Variants in PIKFYVE observed in about 807,000 individuals in gnomAD.
PIKFYVE encodes the protein 1-phosphatidylinositol 3-phosphate 5-kinase.
Under a neutral mutation model 257.9 loss-of-function variants are expected in PIKFYVE, and 122 were observed. That is an observed-to-expected ratio of 0.47 (90% CI 0.41 to 0.55). PIKFYVE has a LOEUF of 0.55. Among genes scored for constraint, PIKFYVE ranks in the 20% least tolerant of loss-of-function variants. The probability of loss-of-function intolerance (pLI) is 0.00; values close to 1 mark genes in which losing one functional copy is unlikely to be tolerated. For synonymous variants in PIKFYVE, 892 were observed against 868.9 expected, an observed-to-expected ratio of 1.03 and a Z score of -0.47; for missense variants, 2,160 against 2,536.6, an observed-to-expected ratio of 0.85 and a Z score of 3.19.
chr2:208,293,206 A>C (rs1429324118), intron 7 of PIKFYVE, among the ~76,000 whole-genome samples: 1 of 151,162 alleles, frequency 6.6e-6, no homozygotes, highest in Non-Finnish European at 1.5e-5. Flanking sequence ...AAATACTCCC[A>C]ATTTTTCCCT....
At chr2:208,321,759 T>A (rs1485267804) in intron 17 of PIKFYVE, among the ~76,000 whole-genome samples, 7 of 152,180 alleles carry the variant, frequency 4.6e-5, no homozygotes, top group Admixed American at 3.9e-4. Context: ...TGTATTTTTT[T>A]AGTAGAGACG....
chr2:208,355,099 C>T (rs1006121577), intron 41 of PIKFYVE, 91 bp from the exon 42 acceptor site: 20 of 958,872 alleles, frequency 2.1e-5, no homozygotes, highest in Non-Finnish European at 6.7e-6. Flanking sequence ...ATCTTTATGG[C>T]AGTTTATATG....
intron 8 of PIKFYVE, among the ~76,000 whole-genome samples, chr2:208,300,158 A>G (rs1010870825): frequency 1.3e-5 from 2 of 152,246 alleles, no homozygotes; most frequent in African/African-American, 4.8e-5. Context: ...ATGTCATGTA[A>G]GAATTCAAAA....
chr2:208,337,266 G>A (rs766563711), intron 28 of PIKFYVE, among the ~76,000 whole-genome samples: 6 of 152,080 alleles, frequency 3.9e-5, no homozygotes, highest in Admixed American at 6.6e-5. Flanking sequence ...TTTATACTCC[G>A]CAGTTTTGGT....
In PIKFYVE at chr2:208,348,808, A is replaced by G. The variant is rs1699486257; in HGVS notation, c.5374+785A>G. Among the ~76,000 whole-genome samples, 4 of 152,090 alleles carry G rather than the reference A, an allele frequency of 2.6e-5. No individual in the cohort carries two copies. In the South Asian group the frequency reaches 8.3e-4, roughly 32 times the overall value. On this transcript the variant is annotated intron_variant, in intron 35 of 41. Coordinates refer to ENST00000264380, the MANE Select transcript of PIKFYVE (RefSeq NM_015040.4). ...GTAGTTGGAACTTTTTCAGAGTGAA[A>G]TATTTGCTCTGTCTCTATATAGAAA... is the stretch of plus-strand genomic sequence containing the variant.
At chr2:208,320,579 A>T (rs577042246) in intron 17 of PIKFYVE, among the ~76,000 whole-genome samples, 1 of 152,348 alleles carries the variant, frequency 6.6e-6, no homozygotes, top group East Asian at 1.9e-4. Context: ...TGAAAATCCA[A>T]ATACTAATTT....
intron 7 of PIKFYVE, among the ~76,000 whole-genome samples, chr2:208,297,678 G>T (rs1437929150): frequency 6.6e-6 from 1 of 152,070 alleles, no homozygotes; most frequent in African/African-American, 2.4e-5. Context: ...TACAGATACT[G>T]CCCTAATGAA....
chr2:208,332,861 C>A (rs1697706948), intron 23 of PIKFYVE, among the ~76,000 whole-genome samples: 1 of 152,030 alleles, frequency 6.6e-6, no homozygotes, highest in Non-Finnish European at 1.5e-5. Flanking sequence ...TCCTCCACCA[C>A]CCCCAAGTCC....
chr2:208,357,500 T>A lies in PIKFYVE; in HGVS notation c.*2195T>A, dbSNP rs577756504. On this transcript the variant is annotated 3_prime_UTR_variant, in exon 42 of 42. Coordinates refer to ENST00000264380, the MANE Select transcript of PIKFYVE (RefSeq NM_015040.4). The stretch of plus-strand genomic sequence containing the variant: ...TTTCCTTGCCCATGACTTGAACAAC[T>A]GTGTTTTAAAGTACTGTAGTCTAGT... 1 of 152,362 alleles carries A rather than the reference T, an allele frequency of 6.6e-6. No homozygotes were observed. Among genetic ancestry groups the A allele is most frequent in the African/African-American group, 2.4e-5 (1 of 41,588 alleles). 9.4% of individuals were successfully genotyped at this position (152,362 alleles called of 1,614,324 possible). A position where few individuals can be genotyped will look rare whatever the true frequency, so the allele number is the denominator to read the frequency against.
intron 17 of PIKFYVE, among the ~76,000 whole-genome samples, chr2:208,320,757 G>A (rs1696115307): frequency 6.6e-6 from 1 of 152,206 alleles, no homozygotes; most frequent in Non-Finnish European, 1.5e-5. Flanking sequence ...TGAAAGTTGT[G>A]TTGGTTTCTC....
rs1694147386 is a variant in PIKFYVE, at chr2:208,304,967, G to T, written c.1590G>T (p.Lys530Asn). 6.2e-7 allele frequency: 1 copy of T among 1,613,982 alleles called. No individual in the cohort carries two copies. Residue 530 changes from lysine to asparagine, a missense_variant, in exon 12 of 42, where the codon AAG (lysine) becomes AAT (asparagine). This residue lies in a region of PIKFYVE where 346 missense variants were observed against 365.6 expected (regional missense o/e 0.95). Coordinates refer to ENST00000264380, the MANE Select transcript of PIKFYVE (RefSeq NM_015040.4). ...ACAACGTGAACTTCCATATCAAGAAGCCCTCCAAGTACCCACATGTGCCCC... is the reference window on the plus strand; with the variant it reads ...ACAACGTGAACTTCCATATCAAGAATCCCTCCAAGTACCCACATGTGCCCC... ...ELDNVNFHIK[K>N]PSKYPHVPPH...
Position 208,315,409 on chromosome 2 carries a change from T to A in PIKFYVE, c.2007+36T>A, listed in dbSNP as rs753772473. 3.7e-6 allele frequency: 6 copies of A among 1,607,802 alleles called. No individual in the cohort carries two copies. In the South Asian group the frequency reaches 6.6e-5, roughly 18 times the overall value. ...CTAATGTTTTACTAATGCTAGGAAC[T>A]GATGAGGCAGGACTGATTGTAATTT... On this transcript the variant is annotated intron_variant, in intron 15 of 41. Coordinates refer to ENST00000264380, the MANE Select transcript of PIKFYVE (RefSeq NM_015040.4).
chr2:208,317,279 A>G (rs1417304364), intron 15 of PIKFYVE, among the ~76,000 whole-genome samples: 3 of 152,022 alleles, frequency 2.0e-5, no homozygotes, highest in African/African-American at 7.3e-5. Context: ...ACTCAAACAA[A>G]TTTACAAGAA....
chr2:208,288,778 T>C lies in PIKFYVE; in HGVS notation c.871T>C (p.Ser291Pro). The change falls in exon 7 of 42, where the codon TCT becomes CCT. Residue 291 changes from serine to proline, a missense_variant. Around this residue, in one of 12 missense-constraint regions of PIKFYVE, gnomAD observed 187 missense variants for 185.6 expected, o/e 1.01. Coordinates refer to ENST00000264380, the MANE Select transcript of PIKFYVE (RefSeq NM_015040.4). Reference protein sequence around the residue: ...SNTPLSTRLVSVQEDAGKSPA... With the variant: ...SNTPLSTRLVPVQEDAGKSPA... The stretch of plus-strand genomic sequence containing the variant: ...TACTCCTCTTTCAACAAGACTTGTA[T>C]CTGTGCAAGAGGATGCTGGGAAATC... 6.2e-7 allele frequency: 1 copy of C among 1,614,096 alleles called. No homozygotes were observed. Among genetic ancestry groups the C allele is most frequent in the African/African-American group, 1.3e-5 (1 of 75,064 alleles).
chr2:208,304,078 G>T, intron 10 of PIKFYVE, 93 bp from the exon 11 acceptor site: 1 of 1,423,774 alleles, frequency 7.0e-7, no homozygotes. Context: ...TAGGTTCATA[G>T]AAATATTGGA....
chr2:208,266,597 C>A (rs1025189269), intron 1 of PIKFYVE, among the ~76,000 whole-genome samples, 182 bp downstream of exon 1: 1 of 152,214 alleles, frequency 6.6e-6, no homozygotes, highest in Non-Finnish European at 1.5e-5. Context: ...ATTAGCTTGT[C>A]CTCCCTATTC....
intron 10 of PIKFYVE, 61 bp from the exon 11 acceptor site, chr2:208,304,110 A>G: frequency 1.3e-6 from 2 of 1,532,890 alleles, no homozygotes; most frequent in Non-Finnish European, 1.8e-6. Context: ...TTATAGTGTG[A>G]CAGCCTCAAC....
intron 36 of PIKFYVE, 117 bp downstream of exon 36, chr2:208,350,200 T>G: frequency 6.9e-7 from 1 of 1,458,824 alleles, no homozygotes; most frequent in Non-Finnish European, 9.1e-7. Flanking sequence ...GAAATGAATA[T>G]TAAGTCTTTA....
At position 208,267,809 on chromosome 2, in the gene PIKFYVE, C is replaced by T. The variant is rs373679535; in HGVS notation, c.-10+1394C>T. Reference sequence around the variant, plus strand: ...GGCGTGAGCCACCGGGCGGGGGTCTCCCTCCCTCGCCCAGGCTGGAGTGAA... The same window carrying T: ...GGCGTGAGCCACCGGGCGGGGGTCTTCCTCCCTCGCCCAGGCTGGAGTGAA... On this transcript the variant is annotated intron_variant, in intron 1 of 41. Coordinates refer to ENST00000264380, the MANE Select transcript of PIKFYVE (RefSeq NM_015040.4). 3.9e-5 allele frequency among the ~76,000 whole-genome samples: 6 copies of T among 152,010 alleles called. No individual in the cohort carries two copies. The East Asian group carries it at 7.7e-4, about 20-fold the overall frequency.
Sources: allele counts gnomAD v4.1 joint callset (sites outside exome capture counted in the v4.1 genomes callset), GRCh38; gene constraint gnomAD v4.1.1; regional missense constraint gnomAD v4.1.1; transcripts MANE v1.5; gene names NCBI Gene and HGNC (gene_info 2026-07-23, HGNC 2026-07-21).